The following PHKA2 variants were observed in gnomAD, a reference collection of about 807,000 sequenced individuals.
PHKA2 encodes the protein phosphorylase kinase regulatory subunit alpha 2.
PHKA2 carries 31 observed loss-of-function variants against 102.0 expected under a neutral mutation model. The ratio of observed to expected loss-of-function variants is 0.30; its 90% CI spans 0.23 to 0.41. The LOEUF (loss-of-function observed/expected upper bound fraction) is 0.41, where lower values mean the gene tolerates loss of function less well. PHKA2 is among the 10% of genes least tolerant of loss of function. The pLI, the probability that PHKA2 is intolerant of heterozygous loss-of-function variation, is 1.00. For missense variants in PHKA2, 858 were observed against 1,023.1 expected (o/e 0.84, Z 2.20); for synonymous variants, 455 against 416.2 (o/e 1.09, Z -1.13).
chrX:18,905,627 ACT>A (rs1284746106), intron 26 of PHKA2, 129 bp downstream of exon 26: 7 of 557,619 alleles, frequency 1.3e-5, no homozygotes, highest in Non-Finnish European at 2.3e-5. Flanking sequence ...TGAGCCTAGG[ACT>A]CTGTCCATCT....
In PHKA2 at chrX:18,948,773, A is replaced by C; in HGVS notation, c.508T>G (p.Phe170Val). 8.4e-7 allele frequency: 1 copy of C among 1,194,967 alleles called. No individual in the cohort carries two copies. The highest frequency in any genetic ancestry group is 1.8e-5 in the South Asian group (1 of 56,594). ...ACTTTATATGCAGCTTCTATGTAAA[A>C]GACAAGATTCTGTATGAAGGCCACC... is the stretch of plus-strand genomic sequence containing the variant. ...DEVAFIQNLVFYIEAAYKVAD... is the reference protein window; with the variant it reads ...DEVAFIQNLVVYIEAAYKVAD... The change falls in exon 5 of 33, where the codon TTT (phenylalanine) becomes GTT (valine). Residue 170 changes from phenylalanine (F) to valine (V), a missense_variant. Physicochemically the swap from Phe to Val is conservative, Grantham distance 50. Transcript: ENST00000379942.
intron 32 of PHKA2, 162 bp downstream of exon 32, chrX:18,894,024 AAAGGTCTTGAGATTTCCC>A (rs2047482630): frequency 2.0e-6 from 1 of 497,528 alleles, no homozygotes; most frequent in Admixed American, 2.8e-5. Context: ...ATCCATCCCC[AAAGGTCTTGAGATTTCCC>A]AAGTGGCCAC....
chrX:18,915,708 A>G (rs1435433999), intron 19 of PHKA2, among the ~76,000 whole-genome samples: 1 of 110,838 alleles, frequency 9.0e-6, no homozygotes, highest in Admixed American at 9.6e-5. Context: ...TGAAACAAAA[A>G]CAGACACAAT....
chrX:18,895,440 G>A lies in PHKA2; in HGVS notation c.3283-249C>T, dbSNP rs2047528012. ...GATCTCCCCCGAACAATGCCCTAGGGGGCTGCCGAGTCCTCCCGGGAGGCT... is the reference window on the plus strand; with the variant it reads ...GATCTCCCCCGAACAATGCCCTAGGAGGCTGCCGAGTCCTCCCGGGAGGCT... On this transcript the variant is annotated intron_variant, in intron 30 of 32. Coordinates refer to ENST00000379942, the MANE Select transcript of PHKA2 (RefSeq NM_000292.3). The A allele has an allele frequency of 9.7e-6, 4 of 412,262 alleles. No homozygotes were observed. In the South Asian group the frequency reaches 1.0e-4, roughly 11 times the overall value. The allele number at this position is 412,262 out of a possible 1,213,427, so 34.0% of individuals were successfully genotyped here. A position where few individuals can be genotyped will look rare whatever the true frequency, so the allele number is the denominator to read the frequency against.
chrX:18,894,553 T>C (rs2047498257), intron 31 of PHKA2, 149 bp from the exon 32 acceptor site: 7 of 526,553 alleles, frequency 1.3e-5, no homozygotes, highest in Non-Finnish European at 2.3e-5. Flanking sequence ...CCCTGGATCC[T>C]GCTGGCAGTG....
chrX:18,897,349 C>T lies in PHKA2; in HGVS notation c.3112-16G>A. ...TGCTGGACCTCTGCAAGACAGACAG[C>T]TTGGGGCCTCAGAAGCCACGCAGCA... On this transcript the variant is annotated splice_polypyrimidine_tract_variant and intron_variant, in intron 29 of 32. Transcript: ENST00000379942. 1.7e-6 allele frequency: 2 copies of T among 1,197,126 alleles called. No homozygotes were observed. The highest frequency in any genetic ancestry group is 4.4e-5 in the Admixed American group (2 of 45,546).
At position 18,969,408 on chromosome X, in the gene PHKA2, C is replaced by T. The variant is rs1218807829; in HGVS notation, c.78+14447G>A. Among the ~76,000 whole-genome samples, 10 of 111,666 alleles carry T rather than the reference C, an allele frequency of 9.0e-5. No homozygotes were observed. The Admixed American group carries it at 9.5e-4, about 11-fold the overall frequency. ...CGTACTTCGGTGTGCAGCGGAAGTG[C>T]TTTATATGTACTTTTCACGTCAACA... On this transcript the variant is annotated intron_variant, in intron 1 of 32. Coordinates refer to ENST00000379942, the MANE Select transcript of PHKA2 (RefSeq NM_000292.3).
At chrX:18,969,383 C>T (rs761227589) in intron 1 of PHKA2, among the ~76,000 whole-genome samples, 3 of 111,617 alleles carry the variant, frequency 2.7e-5, no homozygotes, top group Non-Finnish European at 3.8e-5. Flanking sequence ...AAGCAGCCAT[C>T]GTACTTCGGT....
In PHKA2 at chrX:18,894,342, C is replaced by T; in HGVS notation, c.3399G>A (p.Gln1133=). The change falls in exon 32 of 33, where the codon CAG becomes CAA. Residue 1133 remains glutamine (Q), a synonymous_variant. Transcript: ENST00000379942. ...CCACCAGCAGCTGCCGGTACTCGGG[C>T]TGCGGCACGCGGTTCAGCACCGATT... ...HVESVLNRVP[Q]PEYRQLLVEA... is the part of the protein sequence containing the mutation. 8.3e-7 allele frequency: 1 copy of T among 1,211,627 alleles called. No individual in the cohort carries two copies. Among genetic ancestry groups the T allele is most frequent in the Non-Finnish European group, 1.1e-6 (1 of 895,318 alleles).
At position 18,907,981 on chromosome X, in the gene PHKA2, C is replaced by T. The variant is rs61733281; in HGVS notation, c.2436G>A (p.Gly812=). ...CCCACTCCTGGTTCAAGCCGGCTTT[C>T]CCATAGAGCTCACCAAGAAGGTTTT... is the stretch of plus-strand genomic sequence containing the variant. ...TVQNLLGELY[G]KAGLNQEWGL... is the part of the protein sequence containing the mutation. The change falls in exon 22 of 33, where the codon GGG becomes GGA. Residue 812 remains glycine, a synonymous_variant. Coordinates refer to ENST00000379942, the MANE Select transcript of PHKA2 (RefSeq NM_000292.3). 11,973 of 1,209,092 alleles carry T rather than the reference C, an allele frequency of 9.9e-3. 64 individuals are homozygous for T. Among genetic ancestry groups the T allele is most frequent in the Middle Eastern group, 0.032 (139 of 4,342 alleles).
At position 18,954,402 on chromosome X, in the gene PHKA2, G is replaced by A; in HGVS notation, c.89C>T (p.Thr30Met). Reference sequence around the variant, plus strand: ...CTCATGGCTGGCTGACAGCAGCCCCGTGACGGGATTCTATTAGAGAAGAGA... The same window carrying A: ...CTCATGGCTGGCTGACAGCAGCCCCATGACGGGATTCTATTAGAGAAGAGA... ...QTILCYQNPV[T>M]GLLSASHEQK... The change falls in exon 2 of 33, where the codon ACG becomes ATG. Residue 30 changes from threonine to methionine, a missense_variant. Around this residue, in one of 2 missense-constraint regions of PHKA2, gnomAD observed 187 missense variants for 277.9 expected, o/e 0.67. Coordinates refer to ENST00000379942, the MANE Select transcript of PHKA2 (RefSeq NM_000292.3). 2 of 1,210,656 alleles carry A rather than the reference G, an allele frequency of 1.7e-6. No homozygotes were observed. The highest frequency in any genetic ancestry group is 1.1e-6 in the Non-Finnish European group (1 of 895,075).
At chrX:18,905,932 G>T in intron 25 of PHKA2, 73 bp from the exon 26 acceptor site, 1 of 716,142 alleles carries the variant, frequency 1.4e-6, no homozygotes, top group Non-Finnish European at 2.2e-6. Context: ...AGGTGGACGT[G>T]GGTGGGGAGG....
At chrX:18,938,114 G>A (rs184566900) in intron 10 of PHKA2, among the ~76,000 whole-genome samples, 45 of 112,983 alleles carry the variant, frequency 4.0e-4, no homozygotes, top group Admixed American at 3.6e-3. Flanking sequence ...AGAATGTGAT[G>A]AAAGTGACAT....
Position 18,940,246 on chromosome X carries a change from C to T in PHKA2, c.865-198G>A, listed in dbSNP as rs150641903. On this transcript the variant is annotated intron_variant, in intron 8 of 32. Transcript: ENST00000379942. ...GGTTTGATCGGTACTTGGAAGGGAA[C>T]GCCAAAACATTCCATCAGAGTATCA... Among the ~76,000 whole-genome samples, 556 of 112,015 alleles carry T rather than the reference C, an allele frequency of 5.0e-3. 8 individuals are homozygous for T. The highest frequency in any genetic ancestry group is 0.04 in the Admixed American group (423 of 10,579).
At position 18,902,074 on chromosome X, in the gene PHKA2, C is replaced by G. The variant is rs766720462; in HGVS notation, c.2909-471G>C. Among the ~76,000 whole-genome samples, 5 of 111,352 alleles carry G rather than the reference C, an allele frequency of 4.5e-5. No individual in the cohort carries two copies. In the Admixed American group the frequency reaches 4.7e-4, roughly 11 times the overall value. ...GCCAGGCTGGTCTCAAACTCCTGAC[C>G]TTGTGATCCGCCCACCTTGACCTCC... is the stretch of plus-strand genomic sequence containing the variant. On this transcript the variant is annotated intron_variant, in intron 26 of 32. Transcript: ENST00000379942.
chrX:18,959,951 A>G (rs887557074), intron 1 of PHKA2, among the ~76,000 whole-genome samples: 1 of 111,444 alleles, frequency 9.0e-6, no homozygotes, highest in Non-Finnish European at 1.9e-5. Flanking sequence ...GGAGCCTAAT[A>G]GAAACTGAGT....
chrX:18,895,266 A>G (rs781371547), intron 30 of PHKA2, 75 bp from the exon 31 acceptor site: 1 of 912,227 alleles, frequency 1.1e-6, no homozygotes, highest in South Asian at 2.0e-5. Context: ...ACAGGCGTGC[A>G]TGCACACACA....
chrX:18,893,870 T>C (rs887574664), intron 32 of PHKA2, among the ~76,000 whole-genome samples: 2 of 112,423 alleles, frequency 1.8e-5, no homozygotes, highest in Non-Finnish European at 3.8e-5. Context: ...CACTCTGTTA[T>C]CACGCACCCT....
intron 1 of PHKA2, among the ~76,000 whole-genome samples, chrX:18,968,048 G>A (rs903867856): frequency 3.6e-5 from 4 of 110,779 alleles, no homozygotes; most frequent in Admixed American, 1.9e-4. Flanking sequence ...AAAACCTACC[G>A]CATGTCAACA....
Sources: gnomAD v4.1 joint callset for allele counts (sites outside exome capture counted in the v4.1 genomes callset) on GRCh38, gnomAD v4.1.1 for gene constraint, gnomAD v4.1.1 regional missense constraint, MANE v1.5 for transcripts, NCBI Gene and HGNC (gene_info 2026-07-23, HGNC 2026-07-21) for gene names.